Variants in ZNF892 observed in about 807,000 individuals in gnomAD.
The protein encoded by ZNF892 is zinc finger protein 570-like.
chr2:95,244,889 T>C, the ZNF892 span, among the ~76,000 whole-genome samples: 1 of 152,146 alleles, frequency 6.6e-6, no homozygotes, highest in East Asian at 1.9e-4. Flanking sequence ...AGAAATTCAC[T>C]CAAAACCACA....
At chr2:95,227,551 G>A in the ZNF892 span, among the ~76,000 whole-genome samples, 1 of 149,284 alleles carries the variant, frequency 6.7e-6, no homozygotes, top group African/African-American at 2.5e-5. Flanking sequence ...CTCAAACTCT[G>A]GGCTCAAGTG....
chr2:95,219,929 C>T, the ZNF892 span, among the ~76,000 whole-genome samples: 1 of 152,198 alleles, frequency 6.6e-6, no homozygotes, highest in East Asian at 1.9e-4. Context: ...GTTATTGCTA[C>T]TTACATGGCC....
the ZNF892 span, among the ~76,000 whole-genome samples, chr2:95,250,545 T>TAAAATATTCATAAATTATTTATAAATA: frequency 3.5e-5 from 5 of 143,902 alleles, no homozygotes; most frequent in Admixed American, 6.9e-5. Context: ...ATTTATAAAT[T>TAAAATATTCATAAATTATTTATAAATA]TAAAATAGTC....
At chr2:95,250,905 A>C in the ZNF892 span, among the ~76,000 whole-genome samples, 5 of 147,754 alleles carry the variant, frequency 3.4e-5, no homozygotes, top group African/African-American at 9.8e-5. Flanking sequence ...TTAAATAAAC[A>C]TTGACGTCAA....
the ZNF892 span, among the ~76,000 whole-genome samples, chr2:95,256,371 CT>C: frequency 6.6e-6 from 1 of 152,170 alleles, no homozygotes; most frequent in African/African-American, 2.4e-5. Context: ...GTTGAAAATT[CT>C]TTTCTTTAAG....
the ZNF892 span, among the ~76,000 whole-genome samples, chr2:95,210,227 A>G: frequency 1.3e-5 from 2 of 149,088 alleles, no homozygotes; most frequent in Non-Finnish European, 3.0e-5. Context: ...ATGTATATAT[A>G]TGTGTATATA....
chr2:95,232,114 A>G, the ZNF892 span: 2 of 152,222 alleles, frequency 1.3e-5, no homozygotes, highest in Non-Finnish European at 2.9e-5. Flanking sequence ...CTTCCCCGAA[A>G]TGGAAGACTT....
the ZNF892 span, among the ~76,000 whole-genome samples, chr2:95,245,797 C>T: frequency 6.6e-6 from 1 of 151,780 alleles, no homozygotes; most frequent in East Asian, 1.9e-4. Flanking sequence ...ACACATACAC[C>T]CTCTCAAGAC....
chr2:95,231,096 A>G, the ZNF892 span, among the ~76,000 whole-genome samples: 14 of 152,252 alleles, frequency 9.2e-5, no homozygotes, highest in African/African-American at 3.4e-4. Flanking sequence ...TTTGCCCGAG[A>G]GAAATGAACA....
chr2:95,245,460 G>GGT, the ZNF892 span, among the ~76,000 whole-genome samples: 8 of 117,286 alleles, frequency 6.8e-5, no homozygotes, highest in South Asian at 2.9e-4. Flanking sequence ...CGGGGGGGGG[G>GGT]GGGTTTCACC....
the ZNF892 span, among the ~76,000 whole-genome samples, chr2:95,228,496 A>G: frequency 6.6e-6 from 1 of 152,210 alleles, no homozygotes; most frequent in Admixed American, 6.5e-5. Flanking sequence ...CTAATGCTAA[A>G]TTTGATTACT....
the ZNF892 span, among the ~76,000 whole-genome samples, chr2:95,225,639 C>G: frequency 6.6e-6 from 1 of 152,194 alleles, no homozygotes; most frequent in East Asian, 1.9e-4. Flanking sequence ...CCCCAGCTCC[C>G]CAAAACTTTA....
At chr2:95,238,818 C>CAG in the ZNF892 span, among the ~76,000 whole-genome samples, 2 of 152,106 alleles carry the variant, frequency 1.3e-5, no homozygotes, top group Non-Finnish European at 2.9e-5. Flanking sequence ...GATGATATGG[C>CAG]AGAGAGAGAA....
At chr2:95,209,006 C>T in the ZNF892 span, among the ~76,000 whole-genome samples, 1 of 152,190 alleles carries the variant, frequency 6.6e-6, no homozygotes, top group African/African-American at 2.4e-5. Context: ...AAGCCACTTG[C>T]TCCTGCATCG....
At chr2:95,210,087 G>A in the ZNF892 span, among the ~76,000 whole-genome samples, 1 of 149,446 alleles carries the variant, frequency 6.7e-6, no homozygotes, top group Non-Finnish European at 1.5e-5. Context: ...ATGTATATAT[G>A]TATATATATG....
At chr2:95,243,784 C>T in the ZNF892 span, among the ~76,000 whole-genome samples, 34 of 152,074 alleles carry the variant, frequency 2.2e-4, no homozygotes, top group African/African-American at 7.5e-4. Context: ...TCAGCCCGGC[C>T]GCCCCTACTG....
At chr2:95,222,452 G>A in the ZNF892 span, among the ~76,000 whole-genome samples, 2 of 152,162 alleles carry the variant, frequency 1.3e-5, no homozygotes, top group African/African-American at 4.8e-5. Flanking sequence ...CACCAGCAAC[G>A]TATGAAGATG....
At chr2:95,215,020 G>T in the ZNF892 span, 1 of 514,694 alleles carries the variant, frequency 1.9e-6, no homozygotes, top group Non-Finnish European at 3.5e-6. Flanking sequence ...ATTCATACTG[G>T]AGAGAAACCT....
chr2:95,244,775 A>G, the ZNF892 span, among the ~76,000 whole-genome samples: 1 of 152,328 alleles, frequency 6.6e-6, no homozygotes, highest in East Asian at 1.9e-4. Context: ...TCTAAAATTG[A>G]TCACATATTT....
Sources: gnomAD v4.1 joint callset for allele counts (sites outside exome capture counted in the v4.1 genomes callset) on GRCh38, gnomAD v4.1.1 for gene constraint, MANE v1.5 for transcripts, NCBI Gene and HGNC (gene_info 2026-07-23, HGNC 2026-07-21) for gene names.